DMD: variants seen among roughly 807,000 people sequenced by gnomAD.
DMD encodes mutant dystrophin.
DMD carries 63 observed loss-of-function variants against 330.1 expected under a neutral mutation model. The ratio of observed to expected loss-of-function variants is 0.19; its 90% CI spans 0.16 to 0.24. The LOEUF (loss-of-function observed/expected upper bound fraction) is 0.24. Among genes scored for constraint, DMD ranks in the 10% least tolerant of loss-of-function variants. The probability of loss-of-function intolerance (pLI) is 1.00; values close to 1 mark genes in which losing one functional copy is unlikely to be tolerated. For missense variants in DMD, 3,344 were observed against 2,684.1 expected, an observed-to-expected ratio of 1.25 and a Z score of -5.43; for synonymous variants, 1,223 against 959.8, an observed-to-expected ratio of 1.27 and a Z score of -5.07.
chrX:32,711,997 G>A (rs189615949), intron 7 of DMD, among the ~76,000 whole-genome samples: 3 of 111,822 alleles, frequency 2.7e-5, no homozygotes, highest in Non-Finnish European at 5.6e-5. Context: ...TTTCCAAGAA[G>A]GTAAGTGCAA....
rs1354060092 is a variant in DMD at position 31,706,743 on chromosome X, G to A, written c.7660+22888C>T. On this transcript the variant is annotated intron_variant, in intron 52 of 78. Coordinates refer to ENST00000357033, the MANE Select transcript of DMD (RefSeq NM_004006.3). ...AGAATGCTCCTATGGTTTTCTCTTGGCTGGCAAGCAGTTGCTATATTGCTC... is the reference window on the plus strand; with the variant it reads ...AGAATGCTCCTATGGTTTTCTCTTGACTGGCAAGCAGTTGCTATATTGCTC... 2.7e-5 allele frequency among the ~76,000 whole-genome samples: 3 copies of A among 112,221 alleles called. No homozygotes were observed. In the East Asian group the frequency reaches 8.3e-4, roughly 31 times the overall value.
At chrX:32,448,809 T>C (rs749182843) in intron 26 of DMD, among the ~76,000 whole-genome samples, 171 bp from the exon 27 acceptor site, 1 of 110,937 alleles carries the variant, frequency 9.0e-6, no homozygotes, top group South Asian at 3.7e-4. Context: ...TTAGTTGAAA[T>C]TGGAAAGTTA....
chrX:32,103,268 G>A (rs183269749), intron 44 of DMD, among the ~76,000 whole-genome samples: 1 of 111,791 alleles, frequency 8.9e-6, no homozygotes, highest in East Asian at 2.8e-4. Context: ...CTATAATGTT[G>A]GAATAAAGTG....
chrX:32,969,361 AT>A (rs1385228717), intron 2 of DMD, among the ~76,000 whole-genome samples: 2 of 93,471 alleles, frequency 2.1e-5, no homozygotes, highest in Non-Finnish European at 4.1e-5. Flanking sequence ...ATATGTATGT[AT>A]TTTATACATA....
chrX:31,151,457 G>C (rs889925905), intron 74 of DMD, among the ~76,000 whole-genome samples: 3 of 112,103 alleles, frequency 2.7e-5, no homozygotes, highest in African/African-American at 6.5e-5. Context: ...TTTTCACAAA[G>C]GTGCTGACAG....
chrX:32,584,970 C>A (rs1309488545), intron 13 of DMD, among the ~76,000 whole-genome samples: 4 of 110,679 alleles, frequency 3.6e-5, no homozygotes, highest in Non-Finnish European at 7.6e-5. Flanking sequence ...AACAGATAAA[C>A]AGATAACAGG....
chrX:31,774,207 G>A lies in DMD; in HGVS notation c.7310-15C>T. The A allele has an allele frequency of 1.7e-6, 2 of 1,165,193 alleles. No homozygotes were observed. The highest frequency in any genetic ancestry group is 3.7e-5 in the South Asian group (2 of 53,984). On this transcript the variant is annotated splice_polypyrimidine_tract_variant and intron_variant, in intron 50 of 78. Coordinates refer to ENST00000357033, the MANE Select transcript of DMD (RefSeq NM_004006.3). ...CTGAGTAGGAGCTAAAATATTTTGG[G>A]TTTTTGCAAAAAGGAAAAAAGAAGA...
intron 55 of DMD, among the ~76,000 whole-genome samples, chrX:31,530,256 A>C (rs1247908262): frequency 1.8e-5 from 2 of 112,321 alleles, no homozygotes; most frequent in Non-Finnish European, 3.8e-5. Context: ...TTTTCAATTT[A>C]TAAAGTCATG....
intron 2 of DMD, among the ~76,000 whole-genome samples, chrX:33,013,558 T>C (rs1390764961): frequency 8.9e-6 from 1 of 112,088 alleles, no homozygotes; most frequent in Non-Finnish European, 1.9e-5. Context: ...GGAGCCATTT[T>C]AGATCTATGT....
chrX:31,803,879 A>G (rs1294768543), intron 50 of DMD, among the ~76,000 whole-genome samples: 1 of 109,575 alleles, frequency 9.1e-6, no homozygotes, highest in Non-Finnish European at 1.9e-5. Flanking sequence ...TTGTATTTTT[A>G]GTAGAGACAC....
At position 32,804,057 on chromosome X, in the gene DMD, G is replaced by A. The variant is rs1281308516; in HGVS notation, c.649+5436C>T. On this transcript the variant is annotated intron_variant, in intron 7 of 78. Coordinates refer to ENST00000357033, the MANE Select transcript of DMD (RefSeq NM_004006.3). ...CTGTCTAATATTGACAGTGGGGTGT[G>A]TTCAAGTCTCCCACTATTATTGTGT... Among the ~76,000 whole-genome samples the A allele has an allele frequency of 4.5e-5, 5 of 111,311 alleles. No individual in the cohort carries two copies. In the East Asian group the frequency reaches 1.1e-3, roughly 25 times the overall value.
At chrX:31,488,848 T>C (rs2069025595) in intron 57 of DMD, among the ~76,000 whole-genome samples, 1 of 111,670 alleles carries the variant, frequency 9.0e-6, no homozygotes, top group African/African-American at 3.3e-5. Flanking sequence ...ACATCATCCC[T>C]GCTGAGAGCC....
chrX:31,588,315 A>T (rs5972416), intron 55 of DMD, among the ~76,000 whole-genome samples: 6,399 of 110,865 alleles, frequency 0.058, 306 homozygotes, highest in African/African-American at 0.16. Context: ...CGTTATACAA[A>T]CCAACTAATC....
chrX:32,993,332 G>A (rs767516977), intron 2 of DMD, among the ~76,000 whole-genome samples: 4 of 111,629 alleles, frequency 3.6e-5, no homozygotes, highest in African/African-American at 9.8e-5. Context: ...AGGCTGGTGC[G>A]GTCGCTCATG....
In DMD at chrX:31,351,157, T is replaced by TACACACAC. The variant is rs776501693; in HGVS notation, c.9085-2524_9085-2523insGTGTGTGT. Among the ~76,000 whole-genome samples, 267 of 79,898 alleles carry TACACACAC rather than the reference T, an allele frequency of 3.3e-3. 6 individuals carry two copies. Among genetic ancestry groups the TACACACAC allele is most frequent in the East Asian group, 0.012 (21 of 1,742 alleles). The allele number at this position is 79,898 out of a possible 115,157, so 69.4% of individuals were successfully genotyped here. On this transcript the variant is annotated intron_variant, in intron 60 of 78. Transcript: ENST00000357033. ...ATTCACACACACATAGACATACATATATACACACACACACACACACACATA... is the reference window on the plus strand; with the variant it reads ...ATTCACACACACATAGACATACATATACACACACATACACACACACACACACACACATA...
chrX:31,513,027 G>A (rs1167572529), intron 55 of DMD, among the ~76,000 whole-genome samples: 1 of 102,286 alleles, frequency 9.8e-6, no homozygotes, highest in Non-Finnish European at 2.0e-5. Flanking sequence ...GTGGTTTGTA[G>A]TTCTCCTTGA....
intron 59 of DMD, among the ~76,000 whole-genome samples, chrX:31,468,396 A>T (rs1287092125): frequency 8.9e-6 from 1 of 112,057 alleles, no homozygotes; most frequent in Non-Finnish European, 1.9e-5. Flanking sequence ...GAAAGAACTT[A>T]TTCATTTCTG....
chrX:31,289,556 G>C (rs1394680923), intron 62 of DMD, among the ~76,000 whole-genome samples: 1 of 110,676 alleles, frequency 9.0e-6, no homozygotes, highest in African/African-American at 3.3e-5. Flanking sequence ...TCTCCTCTAT[G>C]AACTTCATAA....
At chrX:32,885,676 T>A (rs746996207) in intron 2 of DMD, among the ~76,000 whole-genome samples, 4 of 110,971 alleles carry the variant, frequency 3.6e-5, no homozygotes, top group Admixed American at 1.9e-4. Context: ...TACAATGTGT[T>A]GAAATTTCCC....
Sources: allele counts gnomAD v4.1 joint callset (sites outside exome capture counted in the v4.1 genomes callset), GRCh38; gene constraint gnomAD v4.1.1; transcripts MANE v1.5; gene names NCBI Gene and HGNC (gene_info 2026-07-23, HGNC 2026-07-21).